DNMT3A: variants seen among roughly 807,000 people sequenced by gnomAD.
DNMT3A encodes the protein DNA (cytosine-5)-methyltransferase 3A.
A neutral mutation model predicts 117.6 loss-of-function variants in DNMT3A; 267 were observed. That is an observed-to-expected ratio of 2.27 (90% CI 2.05 to 2.51). DNMT3A has a LOEUF of 2.51. DNMT3A is among the 30% of genes most tolerant of loss of function. The probability of loss-of-function intolerance (pLI) is 0.00; values close to 1 mark genes in which losing one functional copy is unlikely to be tolerated. For synonymous variants in DNMT3A, 432 were observed against 474.8 expected, an observed-to-expected ratio of 0.91 and a Z score of 1.17; for missense variants, 1,029 against 1,260.2, an observed-to-expected ratio of 0.82 and a Z score of 2.78.
At chr2:25,300,706 TA>T (rs1462109828) in intron 2 of DNMT3A, among the ~76,000 whole-genome samples, 6 of 55,480 alleles carry the variant, frequency 1.1e-4, no homozygotes, top group Admixed American at 2.4e-4. Flanking sequence ...TATATCTAAA[TA>T]ATATAATATA....
At chr2:25,279,376 C>T (rs1414640318) in intron 4 of DNMT3A, among the ~76,000 whole-genome samples, 1 of 152,142 alleles carries the variant, frequency 6.6e-6, no homozygotes, top group Non-Finnish European at 1.5e-5. Flanking sequence ...GAAAGGAGAC[C>T]ACGGCCGAGC....
chr2:25,234,463 G>C lies in DNMT3A; in HGVS notation c.2598-43C>G. ...GAGAGGGCAGGGTGAGTGCTGGCCA[G>C]ACCAGGCTGCCCGGAAGCCGTCTAA... On this transcript the variant is annotated intron_variant, in intron 22 of 22. Coordinates refer to ENST00000321117, the MANE Select transcript of DNMT3A (RefSeq NM_022552.5). The surrounding 1 kb of genome is among the most constrained non-coding windows in gnomAD (Gnocchi z 4.5). 6.3e-7 allele frequency: 1 copy of C among 1,577,656 alleles called. No individual in the cohort carries two copies. The highest frequency in any genetic ancestry group is 8.6e-7 in the Non-Finnish European group (1 of 1,157,630).
Position 25,246,081 on chromosome 2 carries a change from G to A in DNMT3A, c.1430-17C>T. 1 of 1,614,204 alleles carries A rather than the reference G, an allele frequency of 6.2e-7. No homozygotes were observed. Among genetic ancestry groups the A allele is most frequent in the Non-Finnish European group, 8.5e-7 (1 of 1,180,026 alleles). On this transcript the variant is annotated splice_polypyrimidine_tract_variant and intron_variant, in intron 11 of 22. Coordinates refer to ENST00000321117, the MANE Select transcript of DNMT3A (RefSeq NM_022552.5). ...CCAGCCGCTCTGCAAGGGGAGGAGA[G>A]CTGGCGTCAGAGGAGGCCGCGCCTG...
intron 1 of DNMT3A, among the ~76,000 whole-genome samples, chr2:25,316,267 G>A (rs2034377896): frequency 6.6e-6 from 1 of 152,228 alleles, no homozygotes; most frequent in Non-Finnish European, 1.5e-5. Flanking sequence ...GGAGAGGAAG[G>A]AAGCTGGAGG....
chr2:25,272,411 C>T lies in DNMT3A; in HGVS notation c.639+2530G>A, dbSNP rs116243705. Among the ~76,000 whole-genome samples, 727 of 152,326 alleles carry T rather than the reference C, an allele frequency of 4.8e-3. 5 individuals are homozygous for T. Among genetic ancestry groups the T allele is most frequent in the Non-Finnish European group, 8.1e-3 (552 of 68,032 alleles). ...CTGTAACTGAGGGCAGGCCTCCATA[C>T]TGCTTCTTCAAGGGAGCAGAGTTTG... On this transcript the variant is annotated intron_variant, in intron 6 of 22. Coordinates refer to ENST00000321117, the MANE Select transcript of DNMT3A (RefSeq NM_022552.5).
intron 6 of DNMT3A, among the ~76,000 whole-genome samples, chr2:25,249,895 T>C (rs1040938415): frequency 1.3e-5 from 2 of 152,162 alleles, no homozygotes; most frequent in Admixed American, 6.5e-5. Flanking sequence ...AGCTCCCCCA[T>C]GGGCCTAGAG....
chr2:25,289,189 A>G (rs1279622030), intron 3 of DNMT3A, among the ~76,000 whole-genome samples: 2 of 142,496 alleles, frequency 1.4e-5, no homozygotes, highest in Non-Finnish European at 3.0e-5. Flanking sequence ...TGCAACCTCC[A>G]CCTCCCGGAT....
In DNMT3A at chr2:25,281,078, C is replaced by A. The variant is rs975886371; in HGVS notation, c.448+1363G>T. On this transcript the variant is annotated intron_variant, in intron 4 of 22. Transcript: ENST00000321117. This position sits in a 1 kb window ranked among gnomAD's most constrained non-coding sequence, Gnocchi z 4.8. ...GGGAAGGATGGTGTCTTCTCCCTTT[C>A]CTCATCTGTTTCACTCCCCTCAGGC... is the stretch of plus-strand genomic sequence containing the variant. 2.0e-5 allele frequency among the ~76,000 whole-genome samples: 3 copies of A among 152,116 alleles called. No individual in the cohort carries two copies. Among genetic ancestry groups the A allele is most frequent in the Non-Finnish European group, 4.4e-5 (3 of 68,018 alleles).
Position 25,257,993 on chromosome 2 carries a change from CA to C in DNMT3A, c.640-9742del, listed in dbSNP as rs1676304452. 6.6e-6 allele frequency among the ~76,000 whole-genome samples: 1 copy of C among 152,224 alleles called. No homozygotes were observed. Among genetic ancestry groups the C allele is most frequent in the African/African-American group, 2.4e-5 (1 of 41,454 alleles). On this transcript the variant is annotated intron_variant, in intron 6 of 22. Transcript: ENST00000321117. The surrounding 1 kb of genome is among the most constrained non-coding windows in gnomAD (Gnocchi z 4.8). The stretch of plus-strand genomic sequence containing the variant: ...GAGATGGAGGTCAGCTCCCTCGGGG[CA>C]TGCGTCCCAGGTGAGCCCTCCTCTG...
chr2:25,310,528 C>T (rs1202982400), intron 2 of DNMT3A, among the ~76,000 whole-genome samples: 1 of 152,146 alleles, frequency 6.6e-6, no homozygotes, highest in Non-Finnish European at 1.5e-5. Flanking sequence ...CTGTACACTC[C>T]CAGCCACAGC....
chr2:25,299,798 G>A (rs1332801624), intron 3 of DNMT3A, among the ~76,000 whole-genome samples: 2 of 152,208 alleles, frequency 1.3e-5, no homozygotes, highest in African/African-American at 4.8e-5. Context: ...GGGAATGGTG[G>A]CGCGTGCCTG....
chr2:25,271,269 C>G (rs1355581835), intron 6 of DNMT3A, among the ~76,000 whole-genome samples: 1 of 152,156 alleles, frequency 6.6e-6, no homozygotes. Context: ...ATCGCCTCAA[C>G]CCAGGAGGCG....
chr2:25,276,762 G>A (rs375797262), intron 4 of DNMT3A, among the ~76,000 whole-genome samples: 172 of 152,388 alleles, frequency 1.1e-3, no homozygotes, highest in African/African-American at 3.9e-3. Flanking sequence ...TATCGGGCCT[G>A]GGCCCACTGC....
Position 25,254,786 on chromosome 2 carries a change from A to G in DNMT3A, c.640-6534T>C, listed in dbSNP as rs1489061709. 6.6e-6 allele frequency among the ~76,000 whole-genome samples: 1 copy of G among 151,998 alleles called. No individual in the cohort carries two copies. The highest frequency in any genetic ancestry group is 1.5e-5 in the Non-Finnish European group (1 of 68,000). ...TTGCAGACACTGTCTCATGTACGAT[A>G]CCCGCTCTTCCATTATAATGCGGCT... On this transcript the variant is annotated intron_variant, in intron 6 of 22. Coordinates refer to ENST00000321117, the MANE Select transcript of DNMT3A (RefSeq NM_022552.5). This position sits in a 1 kb window ranked among gnomAD's most constrained non-coding sequence, Gnocchi z 4.7.
At chr2:25,241,807 C>T in intron 16 of DNMT3A, 100 bp from the exon 17 acceptor site, 2 of 1,481,128 alleles carry the variant, frequency 1.4e-6, no homozygotes, top group Middle Eastern at 1.7e-4. Flanking sequence ...ATGGGGTCAG[C>T]TGTAGGCCCA....
chr2:25,291,365 T>A (rs1032574983), intron 3 of DNMT3A, among the ~76,000 whole-genome samples: 1 of 152,092 alleles, frequency 6.6e-6, no homozygotes, highest in African/African-American at 2.4e-5. Context: ...TCACCAGAGA[T>A]CTGATAGCAG....
At chr2:25,300,765 A>G (rs1408574302) in intron 2 of DNMT3A, among the ~76,000 whole-genome samples, 4 of 73,110 alleles carry the variant, frequency 5.5e-5, no homozygotes, top group Non-Finnish European at 1.0e-4. Context: ...ATATATATAT[A>G]TATAAATAAT....
At chr2:25,329,494 C>T (rs187218935) in intron 1 of DNMT3A, among the ~76,000 whole-genome samples, 1 of 152,210 alleles carries the variant, frequency 6.6e-6, no homozygotes, top group African/African-American at 2.4e-5. Context: ...GGCTTCAGAC[C>T]ACACTTCAGA....
rs2033231461 is a variant in DNMT3A, at chr2:25,298,544, G to A, written c.177+1595C>T. Among the ~76,000 whole-genome samples, 1 of 152,158 alleles carries A rather than the reference G, an allele frequency of 6.6e-6. No individual in the cohort carries two copies. Among genetic ancestry groups the A allele is most frequent in the African/African-American group, 2.4e-5 (1 of 41,430 alleles). ...TGCTTAGCATATTGCACGTTGCCAA[G>A]CCTCAGGAGAGAGGCAGGGCACGCT... is the stretch of plus-strand genomic sequence containing the variant. On this transcript the variant is annotated intron_variant, in intron 3 of 22. Coordinates refer to ENST00000321117, the MANE Select transcript of DNMT3A (RefSeq NM_022552.5). The surrounding 1 kb of genome is among the most constrained non-coding windows in gnomAD (Gnocchi z 4.3).
Sources: allele counts gnomAD v4.1 joint callset (sites outside exome capture counted in the v4.1 genomes callset), GRCh38; gene constraint gnomAD v4.1.1; non-coding constraint Gnocchi (gnomAD v3.1); transcripts MANE v1.5; gene names NCBI Gene and HGNC (gene_info 2026-07-23, HGNC 2026-07-21).